TXNDC8: variants seen among roughly 807,000 people sequenced by gnomAD.
TXNDC8 encodes the protein thioredoxin domain-containing protein 8.
In TXNDC8, 15 loss-of-function variants were observed where a neutral mutation model predicts 12.9. The ratio of observed to expected loss-of-function variants is 1.16; its 90% CI spans 0.78 to 1.79. TXNDC8 has a LOEUF of 1.79. Ranked by LOEUF, TXNDC8 falls within the 40% of genes most tolerant of loss-of-function variation. The pLI is 0.00. For missense variants in TXNDC8, 128 were observed against 113.2 expected, an observed-to-expected ratio of 1.13 and a Z score of -0.59; for synonymous variants, 40 against 35.4, an observed-to-expected ratio of 1.13 and a Z score of -0.46.
chr9:110,306,726 CAT>C lies in TXNDC8; in HGVS notation c.196-2196_196-2195del, dbSNP rs1838483711. Among the ~76,000 whole-genome samples the C allele has an allele frequency of 2.6e-5, 4 of 152,238 alleles. No homozygotes were observed. The South Asian group carries it at 8.3e-4, about 32-fold the overall frequency. On this transcript the variant is annotated intron_variant, in intron 3 of 4. Coordinates refer to ENST00000423740, the MANE Select transcript of TXNDC8 (RefSeq NM_001286946.2). ...ATCCAAAGAATTCCTGACATATACC[CAT>C]GTTATTTTATAACACTGCTTCCTGT... is the stretch of plus-strand genomic sequence containing the variant.
intron 3 of TXNDC8, chr9:110,323,779 A>G: frequency 1.4e-6 from 2 of 1,448,036 alleles, no homozygotes; most frequent in Non-Finnish European, 1.9e-6. Flanking sequence ...TGTGTGGTAG[A>G]TTCGTTTTCA....
chr9:110,325,044 G>A (rs1209423160), intron 3 of TXNDC8, among the ~76,000 whole-genome samples: 3 of 152,094 alleles, frequency 2.0e-5, no homozygotes, highest in Admixed American at 1.3e-4. Context: ...CCCAGGAGGC[G>A]GAGGTTGCAG....
chr9:110,314,411 CT>C (rs1263788038), intron 3 of TXNDC8, among the ~76,000 whole-genome samples: 5 of 134,590 alleles, frequency 3.7e-5, no homozygotes, highest in Non-Finnish European at 5.1e-5. Flanking sequence ...TCTTTTTTTT[CT>C]TTTTTTCTTT....
intron 3 of TXNDC8, among the ~76,000 whole-genome samples, chr9:110,311,632 A>G (rs1186545344): frequency 1.5e-5 from 2 of 130,672 alleles, no homozygotes; most frequent in African/African-American, 3.1e-5. Flanking sequence ...AGATATATAT[A>G]TCTCCATACT....
At chr9:110,323,732 A>G (rs1324783882) in intron 3 of TXNDC8, 2 of 986,984 alleles carry the variant, frequency 2.0e-6, no homozygotes, top group Admixed American at 2.8e-5. Context: ...GGTGCAGTCA[A>G]TGCCATTAGT....
At chr9:110,309,223 C>T (rs944198790) in intron 3 of TXNDC8, among the ~76,000 whole-genome samples, 4 of 152,180 alleles carry the variant, frequency 2.6e-5, no homozygotes, top group African/African-American at 9.7e-5. Context: ...TTTGCTCCTT[C>T]CAGCTGAAAG....
intron 3 of TXNDC8, among the ~76,000 whole-genome samples, chr9:110,320,998 T>A (rs1839073122): frequency 6.6e-6 from 1 of 152,240 alleles, no homozygotes; most frequent in South Asian, 2.1e-4. Context: ...TGCCAGATGT[T>A]CATTCAATCT....
At chr9:110,303,852 A>T in intron 4 of TXNDC8, 1 of 685,456 alleles carries the variant, frequency 1.5e-6, no homozygotes, top group South Asian at 2.2e-5. Context: ...TAAAACGTAT[A>T]ATAATCTCGG....
chr9:110,323,014 A>G (rs1587976471), intron 3 of TXNDC8: 1 of 985,260 alleles, frequency 1.0e-6, no homozygotes, highest in East Asian at 1.1e-4. Context: ...ATTATGGAGA[A>G]ACTTGAATGC....
intron 3 of TXNDC8, among the ~76,000 whole-genome samples, chr9:110,319,739 T>G (rs1205039301): frequency 1.3e-5 from 2 of 152,250 alleles, no homozygotes; most frequent in Non-Finnish European, 2.9e-5. Context: ...TTTACCTTAT[T>G]GTCCCTACTT....
At chr9:110,303,061 CA>C (rs34213696), downstream of TXNDC8, among the ~76,000 whole-genome samples, 152 of 143,538 alleles carry the variant, frequency 1.1e-3, no homozygotes, top group Middle Eastern at 3.6e-3. Flanking sequence ...AAGACTGTCT[CA>C]AAAAAAAAAA....
intron 4 of TXNDC8, 74 bp downstream of exon 5, chr9:110,304,393 G>A (rs1838345592): frequency 1.5e-6 from 2 of 1,362,548 alleles, no homozygotes. Context: ...CATTCTGCCT[G>A]AGTGTGTCAT....
At chr9:110,310,825 A>G (rs1838638250) in intron 3 of TXNDC8, among the ~76,000 whole-genome samples, 1 of 152,226 alleles carries the variant, frequency 6.6e-6, no homozygotes. Flanking sequence ...AAGGTGTCAA[A>G]ATTTGGCATA....
At chr9:110,337,326 A>G (rs2118894647) in intron 1 of TXNDC8, among the ~76,000 whole-genome samples, 2 of 152,350 alleles carry the variant, frequency 1.3e-5, no homozygotes, top group Middle Eastern at 3.4e-3. Context: ...ACATGAATTT[A>G]GATTTGTTGT....
At chr9:110,312,307 T>C (rs1838721185) in intron 3 of TXNDC8, among the ~76,000 whole-genome samples, 2 of 152,242 alleles carry the variant, frequency 1.3e-5, no homozygotes, top group South Asian at 4.1e-4. Flanking sequence ...AGAACCTGTT[T>C]TCATTTGTAA....
Position 110,303,507 on chromosome 9 carries a change from C to T in TXNDC8, c.*175G>A, listed in dbSNP as rs1319232375. The T allele has an allele frequency of 1.1e-5, 17 of 1,521,256 alleles. No individual in the cohort carries two copies. Among genetic ancestry groups the T allele is most frequent in the Non-Finnish European group, 1.4e-5 (16 of 1,127,540 alleles). The allele number at this position is 1,521,256 out of a possible 1,614,324, so 94.2% of individuals were successfully genotyped here. Reference sequence around the variant, plus strand: ...TTTCAAATGTCACAAGTGTATTTTGCCTTGGAGATCAGCTTACATTAATTC... The same window carrying T: ...TTTCAAATGTCACAAGTGTATTTTGTCTTGGAGATCAGCTTACATTAATTC... On this transcript the variant is annotated 3_prime_UTR_variant, in exon 5 of 5. Transcript: ENST00000423740.
At chr9:110,308,977 A>T (rs1206005336) in intron 3 of TXNDC8, among the ~76,000 whole-genome samples, 1 of 152,196 alleles carries the variant, frequency 6.6e-6, no homozygotes, top group Non-Finnish European at 1.5e-5. Context: ...TAGCGTGTGT[A>T]ATGGCGAATG....
intron 3 of TXNDC8, among the ~76,000 whole-genome samples, chr9:110,313,655 C>T (rs112004473): frequency 6.6e-5 from 10 of 151,900 alleles, no homozygotes; most frequent in African/African-American, 1.9e-4. Context: ...GAGCCGAGAC[C>T]GTGCCCCTGA....
chr9:110,302,553 G>C (rs552495895), downstream of TXNDC8, among the ~76,000 whole-genome samples: 1 of 152,134 alleles, frequency 6.6e-6, no homozygotes, highest in East Asian at 1.9e-4. Flanking sequence ...GTGTTTATCT[G>C]GTGCAGCCTC....
Sources: gnomAD v4.1 joint callset for allele counts (sites outside exome capture counted in the v4.1 genomes callset) on GRCh38, gnomAD v4.1.1 for gene constraint, MANE v1.5 for transcripts, NCBI Gene and HGNC (gene_info 2026-07-23, HGNC 2026-07-21) for gene names.